The following TMEM92 variants were observed in gnomAD, a reference collection of about 807,000 sequenced individuals.
TMEM92 encodes transmembrane protein 92.
Under a neutral mutation model 14.6 loss-of-function variants are expected in TMEM92, and 15 were observed. That is an observed-to-expected ratio of 1.03 (90% CI 0.69 to 1.58). TMEM92 has a LOEUF of 1.58. Among genes scored for constraint, TMEM92 ranks in the 40% most tolerant of loss-of-function variants. TMEM92 has a pLI of 0.00. For synonymous variants in TMEM92, 85 were observed against 83.3 expected (o/e 1.02, Z -0.11); for missense variants, 174 against 202.4 (o/e 0.86, Z 0.85).
upstream of TMEM92, chr17:50,274,372 G>A: frequency 2.2e-6 from 2 of 890,400 alleles, no homozygotes; most frequent in East Asian, 2.6e-5. Context: ...GCCCCTCCCT[G>A]CCCCGAGTCC....
intron 2 of TMEM92, 77 bp from the exon 3 acceptor site, chr17:50,278,479 G>A: frequency 1.3e-6 from 2 of 1,540,436 alleles, no homozygotes; most frequent in Middle Eastern, 1.7e-4. Context: ...GTGTATTTTG[G>A]GGAGGCTGGG....
upstream of TMEM92, chr17:50,274,377 G>A: frequency 1.1e-6 from 1 of 920,120 alleles, no homozygotes; most frequent in East Asian, 2.7e-5. Context: ...TCCCTGCCCC[G>A]AGTCCGCCTC....
chr17:50,273,489 G>T (rs12949964), upstream of TMEM92, among the ~76,000 whole-genome samples: 17,497 of 152,276 alleles, frequency 0.11, 1,098 homozygotes, highest in East Asian at 0.24. Flanking sequence ...CAGAGGACCA[G>T]CCCCAGCTGC....
chr17:50,271,684 G>GA (rs1216832187), upstream of TMEM92, among the ~76,000 whole-genome samples: 3 of 152,186 alleles, frequency 2.0e-5, no homozygotes, highest in Non-Finnish European at 4.4e-5. Context: ...GAAAAACACA[G>GA]AACATCCCAT....
chr17:50,278,899 G>T lies in TMEM92; in HGVS notation c.269G>T (p.Ser90Ile), dbSNP rs6504642. 2 of 1,613,392 alleles carry T rather than the reference G, an allele frequency of 1.2e-6. No homozygotes were observed. Among genetic ancestry groups the T allele is most frequent in the Non-Finnish European group, 1.7e-6 (2 of 1,179,766 alleles). ...AACTGCAGAGAGCCGGAGCCAGACA[G>T]CCCAGTGGATTGCCGGGGGCCCCTG... ...CRNCREPEPD[S>I]PVDCRGPLEL... is the part of the protein sequence containing the mutation. The change falls in exon 4 of 5, where the codon AGC becomes ATC. Residue 90 changes from serine (S) to isoleucine (I), a missense_variant. Physicochemically the swap from Ser to Ile is moderately radical, Grantham distance 142. Transcript: ENST00000507382.
chr17:50,277,283 C>T (rs1161755295), intron 1 of TMEM92, among the ~76,000 whole-genome samples: 2 of 152,054 alleles, frequency 1.3e-5, no homozygotes, highest in East Asian at 3.9e-4. Context: ...GGTCTCTACC[C>T]CAGGGAGCCA....
At chr17:50,272,384 C>A (rs907854881), upstream of TMEM92, among the ~76,000 whole-genome samples, 5 of 152,188 alleles carry the variant, frequency 3.3e-5, no homozygotes, top group African/African-American at 4.8e-5. Flanking sequence ...CTGTAGGGCT[C>A]CCAGCCTGGG....
chr17:50,278,527 C>T (rs1312583899), intron 2 of TMEM92, 29 bp from the exon 3 acceptor site: 2 of 1,612,660 alleles, frequency 1.2e-6, no homozygotes, highest in African/African-American at 1.3e-5. Flanking sequence ...AGCAACTTCT[C>T]CTTGCCCTTT....
upstream of TMEM92, among the ~76,000 whole-genome samples, chr17:50,273,292 C>T (rs1299123587): frequency 6.6e-6 from 1 of 152,134 alleles, no homozygotes; most frequent in Non-Finnish European, 1.5e-5. Context: ...CCCCTCCCGG[C>T]TCCCGGGGGC....
chr17:50,272,674 G>C (rs1304565764), upstream of TMEM92, among the ~76,000 whole-genome samples: 1 of 152,030 alleles, frequency 6.6e-6, no homozygotes, highest in African/African-American at 2.4e-5. Context: ...CTTCTTAAGG[G>C]GCAAAAAGGG....
In TMEM92 at chr17:50,278,827, T is replaced by C; in HGVS notation, c.197T>C (p.Ile66Thr). 6.2e-7 allele frequency: 1 copy of C among 1,612,902 alleles called. No homozygotes were observed. Among genetic ancestry groups the C allele is most frequent in the Non-Finnish European group, 8.5e-7 (1 of 1,179,584 alleles). ...VRIFVIIFLV[I>T]LSVFCICGLA... Reference sequence around the variant, plus strand: ...ATCTTCGTCATCATCTTCCTGGTCATCCTGTCCGTCTTTTGCATCTGTGGC... The same window carrying C: ...ATCTTCGTCATCATCTTCCTGGTCACCCTGTCCGTCTTTTGCATCTGTGGC... Residue 66 changes from isoleucine (I) to threonine (T), a missense_variant, in exon 4 of 5, where the codon ATC (isoleucine) becomes ACC (threonine). Physicochemically the swap from Ile to Thr is moderately conservative, Grantham distance 89. Coordinates refer to ENST00000507382, the MANE Select transcript of TMEM92 (RefSeq NM_153229.3).
chr17:50,274,369 C>T, upstream of TMEM92: 2 of 874,496 alleles, frequency 2.3e-6, no homozygotes, highest in Non-Finnish European at 3.7e-6. Context: ...CCAGCCCCTC[C>T]CTGCCCCGAG....
chr17:50,272,483 A>G (rs1290665524), upstream of TMEM92, among the ~76,000 whole-genome samples: 1 of 152,070 alleles, frequency 6.6e-6, no homozygotes, highest in Non-Finnish European at 1.5e-5. Context: ...TGGCAGCCCA[A>G]GTTGGCAACG....
Position 50,279,566 on chromosome 17 carries a change from A to G in TMEM92, c.*258A>G, listed in dbSNP as rs1267231840. ...GGCTGCCGGAAAGAAAATGCTGACC[A>G]TTGGAGGTGCCCAACAGTAGAATGG... On this transcript the variant is annotated 3_prime_UTR_variant, in exon 5 of 5. Transcript: ENST00000507382. 2.3e-6 allele frequency: 1 copy of G among 438,734 alleles called. No homozygotes were observed. The highest frequency in any genetic ancestry group is 2.1e-5 in the African/African-American group (1 of 48,776). 27.2% of individuals were successfully genotyped at this position (438,734 alleles called of 1,614,324 possible).
intron 1 of TMEM92, among the ~76,000 whole-genome samples, chr17:50,277,042 G>C (rs1210245809): frequency 6.6e-6 from 1 of 152,114 alleles, no homozygotes; most frequent in African/African-American, 2.4e-5. Flanking sequence ...AAGATGCCCT[G>C]GGTGCCCTGC....
Position 50,279,192 on chromosome 17 carries a change from C to T in TMEM92, c.367-3C>T. 6.2e-7 allele frequency: 1 copy of T among 1,613,014 alleles called. No homozygotes were observed. Among genetic ancestry groups the T allele is most frequent in the South Asian group, 1.1e-5 (1 of 91,074 alleles). The stretch of plus-strand genomic sequence containing the variant: ...AAGACTGAATTCTCTCTTTTCCCTG[C>T]AGGTGATTCTGAAGCCCAGCCTGGG... On this transcript the variant is annotated splice_region_variant and splice_polypyrimidine_tract_variant and intron_variant, in intron 4 of 4. Transcript: ENST00000507382.
intron 2 of TMEM92, among the ~76,000 whole-genome samples, chr17:50,278,116 C>T (rs1910488581): frequency 6.6e-6 from 1 of 152,174 alleles, no homozygotes. Flanking sequence ...AAAGTGTTTC[C>T]ATTAGGTCAG....
upstream of TMEM92, chr17:50,274,408 C>A (rs1265287030): frequency 7.6e-7 from 1 of 1,322,656 alleles, no homozygotes; most frequent in Non-Finnish European, 1.1e-6. Context: ...GCTCCGCCCC[C>A]ATCCCGAGGC....
chr17:50,275,717 T>C (rs147815674), intron 1 of TMEM92, among the ~76,000 whole-genome samples: 62 of 152,146 alleles, frequency 4.1e-4, no homozygotes, highest in Non-Finnish European at 5.4e-4. Context: ...ATCCATTACT[T>C]ATTAGCTGGG....
Sources: allele counts gnomAD v4.1 joint callset (sites outside exome capture counted in the v4.1 genomes callset), GRCh38; gene constraint gnomAD v4.1.1; transcripts MANE v1.5; gene names NCBI Gene and HGNC (gene_info 2026-07-23, HGNC 2026-07-21).